Variants in POMT1 observed in about 807,000 individuals in gnomAD.
POMT1 encodes the protein protein O-mannosyltransferase 1.
POMT1 carries 85 observed loss-of-function variants against 101.6 expected under a neutral mutation model. The observed-to-expected ratio is 0.84, with a 90% CI of 0.70 to 1.00. POMT1 has a LOEUF of 1.00. POMT1 is among the 50% of genes least tolerant of loss of function. POMT1 has a pLI of 0.00. For missense variants in POMT1, 857 were observed against 930.4 expected, an observed-to-expected ratio of 0.92 and a Z score of 1.03; for synonymous variants, 371 against 383.0, an observed-to-expected ratio of 0.97 and a Z score of 0.37.
chr9:131,512,903 C>T (rs1006042172), intron 11 of POMT1, among the ~76,000 whole-genome samples: 3 of 151,842 alleles, frequency 2.0e-5, no homozygotes, highest in Non-Finnish European at 4.4e-5. Flanking sequence ...TGAGCCACCA[C>T]GCCCGGCCCC....
In POMT1 at chr9:131,522,878, C is replaced by T. The variant is rs1381303035; in HGVS notation, c.2004-54C>T. ...CAGCAGATGCCAAGAGGGTGCCGGGCAGGGAAGCCGCAGTGGTCAGCCACC... is the reference window on the plus strand; with the variant it reads ...CAGCAGATGCCAAGAGGGTGCCGGGTAGGGAAGCCGCAGTGGTCAGCCACC... On this transcript the variant is annotated intron_variant, in intron 19 of 19. Coordinates refer to ENST00000402686, the MANE Select transcript of POMT1 (RefSeq NM_001077365.2). This position sits in a 1 kb window ranked among gnomAD's most constrained non-coding sequence, Gnocchi z 5.5. The T allele has an allele frequency of 5.3e-6, 8 of 1,513,748 alleles. No homozygotes were observed. Among genetic ancestry groups the T allele is most frequent in the Non-Finnish European group, 7.1e-6 (8 of 1,123,464 alleles). The allele number at this position is 1,513,748 out of a possible 1,614,324, so 93.8% of individuals were successfully genotyped here.
At chr9:131,521,523 T>C (rs1357815092) in intron 18 of POMT1, 51 bp downstream of exon 18, 1 of 1,590,552 alleles carries the variant, frequency 6.3e-7, no homozygotes, top group Non-Finnish European at 8.6e-7. Context: ...AGACATGGGG[T>C]CTTGCTGTGT....
intron 18 of POMT1, among the ~76,000 whole-genome samples, chr9:131,521,823 C>T (rs1037227985): frequency 6.6e-6 from 1 of 152,160 alleles, no homozygotes; most frequent in African/African-American, 2.4e-5. Context: ...TGCCCGTATG[C>T]GCTGGAAATG....
At chr9:131,520,406 C>G (rs1949683935) in intron 17 of POMT1, among the ~76,000 whole-genome samples, 1 of 152,210 alleles carries the variant, frequency 6.6e-6, no homozygotes, top group Non-Finnish European at 1.5e-5. Context: ...GGAAACCCGG[C>G]TTGATTGCTT....
chr9:131,506,940 G>A (rs963734479), intron 4 of POMT1, among the ~76,000 whole-genome samples: 1 of 151,932 alleles, frequency 6.6e-6, no homozygotes, highest in African/African-American at 2.4e-5. Context: ...GGTGGCGGGC[G>A]CCTGTAGTCC....
At chr9:131,507,096 CAG>C (rs1273338222) in intron 4 of POMT1, among the ~76,000 whole-genome samples, 3 of 151,058 alleles carry the variant, frequency 2.0e-5, no homozygotes, top group Non-Finnish European at 3.0e-5. Flanking sequence ...AAAAAGAAAA[CAG>C]GGAGGGTAAA....
chr9:131,503,643 G>A lies in POMT1; in HGVS notation c.-30-546G>A, dbSNP rs916278524. Among the ~76,000 whole-genome samples, 10 of 152,178 alleles carry A rather than the reference G, an allele frequency of 6.6e-5. No homozygotes were observed. Among genetic ancestry groups the A allele is most frequent in the African/African-American group, 2.2e-4 (9 of 41,456 alleles). On this transcript the variant is annotated intron_variant, in intron 1 of 19. Transcript: ENST00000402686. This position sits in a 1 kb window ranked among gnomAD's most constrained non-coding sequence, Gnocchi z 4.4. ...GATGAAGCCTGGAGGAGAACGTGGG[G>A]GCGCAGGGTGCAAATGCACCCTCCA...
chr9:131,520,316 A>C, intron 17 of POMT1, 123 bp downstream of exon 17: 1 of 865,354 alleles, frequency 1.2e-6, no homozygotes, highest in Non-Finnish European at 1.9e-6. Flanking sequence ...TTTCCTGACA[A>C]AGGCCTGTGA....
chr9:131,520,045 C>T, intron 16 of POMT1, 35 bp from the exon 17 acceptor site: 1 of 1,552,872 alleles, frequency 6.4e-7, no homozygotes, highest in Non-Finnish European at 8.9e-7. Flanking sequence ...AGGCATCCCC[C>T]ATCCTCAATC....
intron 4 of POMT1, chr9:131,506,802 C>A: frequency 2.8e-6 from 1 of 360,148 alleles, no homozygotes; most frequent in South Asian, 2.3e-5. Flanking sequence ...GGCGCGCTGG[C>A]TCACGCCTGT....
rs763155110 is a variant in POMT1, at chr9:131,523,191, G to C, written c.*85G>C. 6.6e-7 allele frequency: 1 copy of C among 1,515,850 alleles called. No individual in the cohort carries two copies. Among genetic ancestry groups the C allele is most frequent in the Non-Finnish European group, 8.9e-7 (1 of 1,119,722 alleles). The allele number at this position is 1,515,850 out of a possible 1,614,324, so 93.9% of individuals were successfully genotyped here. A position where few individuals can be genotyped will look rare whatever the true frequency, so the allele number is the denominator to read the frequency against. On this transcript the variant is annotated 3_prime_UTR_variant, in exon 20 of 20. Coordinates refer to ENST00000402686, the MANE Select transcript of POMT1 (RefSeq NM_001077365.2). The stretch of plus-strand genomic sequence containing the variant: ...TCAATGTACGTAATGAGCAGGGTGG[G>C]CCCCACGCTGGGAGGACACGGGCTG...
chr9:131,522,413 G>A lies in POMT1; in HGVS notation c.2003+189G>A. On this transcript the variant is annotated intron_variant, in intron 19 of 19. Coordinates refer to ENST00000402686, the MANE Select transcript of POMT1 (RefSeq NM_001077365.2). The surrounding 1 kb of genome is among the most constrained non-coding windows in gnomAD (Gnocchi z 5.5). Reference sequence around the variant, plus strand: ...GATGAGGCACTGCAGGAACCCAGAGGGAGAAGTCGCGGCTGACAGAGATGA... The same window carrying A: ...GATGAGGCACTGCAGGAACCCAGAGAGAGAAGTCGCGGCTGACAGAGATGA... The A allele has an allele frequency of 8.2e-7, 1 of 1,224,336 alleles. No homozygotes were observed. Among genetic ancestry groups the A allele is most frequent in the Admixed American group, 2.5e-5 (1 of 39,548 alleles). The allele number at this position is 1,224,336 out of a possible 1,614,324, so 75.8% of individuals were successfully genotyped here.
At chr9:131,510,973 G>GAAGGA in intron 9 of POMT1, 1 of 281,266 alleles carries the variant, frequency 3.6e-6, no homozygotes, top group Non-Finnish European at 6.8e-6. Context: ...GCCTGCCGAC[G>GAAGGA]GCCAGTGCTG....
chr9:131,522,863 CAA>C lies in POMT1; in HGVS notation c.2004-68_2004-67del. On this transcript the variant is annotated intron_variant, in intron 19 of 19. Coordinates refer to ENST00000402686, the MANE Select transcript of POMT1 (RefSeq NM_001077365.2). This position sits in a 1 kb window ranked among gnomAD's most constrained non-coding sequence, Gnocchi z 5.5. The stretch of plus-strand genomic sequence containing the variant: ...GGGTGACCGTGTGGACAGCAGATGC[CAA>C]GAGGGTGCCGGGCAGGGAAGCCGCA... 1 of 1,480,488 alleles carries C rather than the reference CAA, an allele frequency of 6.8e-7. No homozygotes were observed. Among genetic ancestry groups the C allele is most frequent in the Non-Finnish European group, 9.1e-7 (1 of 1,096,066 alleles). The allele number at this position is 1,480,488 out of a possible 1,614,324, so 91.7% of individuals were successfully genotyped here.
In POMT1 at chr9:131,522,569, TGTG is replaced by T; in HGVS notation, c.2003+350_2003+352del. ...AGCTGGTTATGGTCGGGTTGTGTGG[TGTG>T]GTGGAGAGAACCCAAGAAAGCTTCT... On this transcript the variant is annotated intron_variant, in intron 19 of 19. Coordinates refer to ENST00000402686, the MANE Select transcript of POMT1 (RefSeq NM_001077365.2). The surrounding 1 kb of genome is among the most constrained non-coding windows in gnomAD (Gnocchi z 5.5). 9.5e-6 allele frequency: 5 copies of T among 524,018 alleles called. No homozygotes were observed. The highest frequency in any genetic ancestry group is 6.9e-6 in the Non-Finnish European group (2 of 289,930). The allele number at this position is 524,018 out of a possible 1,614,324, so 32.5% of individuals were successfully genotyped here.
rs764422728 is a variant in POMT1, at chr9:131,522,076, G to A, written c.1855G>A (p.Ala619Thr). 1.9e-6 allele frequency: 3 copies of A among 1,614,118 alleles called. No homozygotes were observed. In the South Asian group the frequency reaches 3.3e-5, roughly 18 times the overall value. ...DAWLRWVLAG[A>T]LCAGGWAVNY... is the part of the protein sequence containing the mutation. ...CTGGCTGCGCTGGGTGCTGGCTGGG[G>A]CGCTGTGTGCCGGTGGCTGGGCAGT... Residue 619 changes from alanine to threonine, a missense_variant, in exon 19 of 20, where the codon GCG becomes ACG. Transcript: ENST00000402686. This position sits in a 1 kb window ranked among gnomAD's most constrained non-coding sequence, Gnocchi z 5.5.
At chr9:131,508,862 G>A (rs541346457) in intron 5 of POMT1, 49 bp from the exon 6 acceptor site, 4 of 1,335,876 alleles carry the variant, frequency 3.0e-6, no homozygotes, top group African/African-American at 1.4e-5. Context: ...ATCCTCATAC[G>A]TTTTCCCTTG....
In POMT1 at chr9:131,509,157, A is replaced by T. The variant is rs537164274; in HGVS notation, c.539+135A>T. ...TTTTCATTTTGAGGAGTTGCTTGCT[A>T]AATATCTTTTTTTTTGAGACGGAGT... On this transcript the variant is annotated intron_variant, in intron 6 of 19. Transcript: ENST00000402686. 8 of 708,576 alleles carry T rather than the reference A, an allele frequency of 1.1e-5. No individual in the cohort carries two copies. The Admixed American group carries it at 1.1e-4, about 10-fold the overall frequency. The allele number at this position is 708,576 out of a possible 1,614,324, so 43.9% of individuals were successfully genotyped here. A position where few individuals can be genotyped will look rare whatever the true frequency, so the allele number is the denominator to read the frequency against.
intron 5 of POMT1, 145 bp downstream of exon 5, chr9:131,507,659 C>T: frequency 1.8e-6 from 2 of 1,140,498 alleles, no homozygotes; most frequent in Non-Finnish European, 2.5e-6. Context: ...GTCACCCGCT[C>T]CCAGGCTGAC....
Sources: allele counts gnomAD v4.1 joint callset (sites outside exome capture counted in the v4.1 genomes callset), GRCh38; gene constraint gnomAD v4.1.1; non-coding constraint Gnocchi (gnomAD v3.1); transcripts MANE v1.5; gene names NCBI Gene and HGNC (gene_info 2026-07-23, HGNC 2026-07-21).